DPH1: variants seen among roughly 807,000 people sequenced by gnomAD.
DPH1 encodes the protein 2-(3-amino-3-carboxypropyl)histidine synthase subunit 1.
In DPH1, 59 loss-of-function variants were observed where a neutral mutation model predicts 55.3. The observed-to-expected ratio is 1.07, with a 90% CI of 0.87 to 1.33. The LOEUF is 1.33. DPH1 is among the 40% of genes most tolerant of loss of function. DPH1 has a pLI of 0.00. For missense variants in DPH1, 628 were observed against 584.8 expected, an observed-to-expected ratio of 1.07 and a Z score of -0.76; for synonymous variants, 238 against 235.5, an observed-to-expected ratio of 1.01 and a Z score of -0.10.
Position 2,036,758 on chromosome 17 carries a change from CA to C in DPH1, c.558+73del. ...CACTCTCCAGCTGTTGCGGGATCCC[CA>C]GGTGCTCCAGGCTGTTTCTCAGCCC... On this transcript the variant is annotated intron_variant, in intron 5 of 12. Transcript: ENST00000263083. This position sits in a 1 kb window ranked among gnomAD's most constrained non-coding sequence, Gnocchi z 4.8. 4 of 1,607,112 alleles carry C rather than the reference CA, an allele frequency of 2.5e-6. No homozygotes were observed. The South Asian group carries it at 4.4e-5, about 18-fold the overall frequency.
intron 9 of DPH1, 44 bp downstream of exon 9, chr17:2,040,649 C>G: frequency 6.3e-7 from 1 of 1,598,750 alleles, no homozygotes; most frequent in Non-Finnish European, 8.6e-7. Flanking sequence ...AGCTTAGAAG[C>G]TGGGTCTTGC....
At chr17:2,041,713 G>A (rs558713354) in intron 11 of DPH1, 55 bp from the exon 12 acceptor site, 2 of 1,581,524 alleles carry the variant, frequency 1.3e-6, no homozygotes, top group Non-Finnish European at 1.7e-6. Context: ...GGAGCGGAGC[G>A]GAGGGAAACG....
At chr17:2,041,992 G>A (rs2067538807) in intron 12 of DPH1, 117 bp downstream of exon 12, 1 of 1,489,964 alleles carries the variant, frequency 6.7e-7, no homozygotes, top group Admixed American at 2.3e-5. Context: ...CGTGCATTGT[G>A]CTTCCGCTCG....
chr17:2,036,167 C>T lies in DPH1; in HGVS notation c.400+76C>T. 1 of 1,578,442 alleles carries T rather than the reference C, an allele frequency of 6.3e-7. No individual in the cohort carries two copies. The highest frequency in any genetic ancestry group is 8.6e-7 in the Non-Finnish European group (1 of 1,161,838). The stretch of plus-strand genomic sequence containing the variant: ...GGCTGCACATTCATCTTCCCCATGG[C>T]AGTGCCTTCTTGTCCTGCTTGGAGA... On this transcript the variant is annotated intron_variant, in intron 4 of 12. Transcript: ENST00000263083. The surrounding 1 kb of genome is among the most constrained non-coding windows in gnomAD (Gnocchi z 4.8).
intron 2 of DPH1, 49 bp from the exon 3 acceptor site, chr17:2,033,730 G>GCAGCCCCTTCCTAGC (rs781584798): frequency 1.2e-4 from 201 of 1,613,974 alleles, no homozygotes; most frequent in Non-Finnish European, 1.6e-4. Flanking sequence ...TGTCCCCCTT[G>GCAGCCCCTTCCTAGC]CAGCCCCTTC....
In DPH1 at chr17:2,043,201, G is replaced by A; in HGVS notation, c.*615G>A. Reference sequence around the variant, plus strand: ...GGACCCTCCACTCACTGCTGTGAGTGCGCCTCACCAGAACCAGTTAAGAGA... The same window carrying A: ...GGACCCTCCACTCACTGCTGTGAGTACGCCTCACCAGAACCAGTTAAGAGA... On this transcript the variant is annotated 3_prime_UTR_variant, in exon 13 of 13. Coordinates refer to ENST00000263083, the MANE Select transcript of DPH1 (RefSeq NM_001383.6). 2 of 1,413,362 alleles carry A rather than the reference G, an allele frequency of 1.4e-6. No individual in the cohort carries two copies. The highest frequency in any genetic ancestry group is 9.6e-7 in the Non-Finnish European group (1 of 1,041,886). 87.6% of individuals were successfully genotyped at this position (1,413,362 alleles called of 1,614,324 possible). A position where few individuals can be genotyped will look rare whatever the true frequency, so the allele number is the denominator to read the frequency against.
intron 1 of DPH1, 36 bp downstream of exon 1, chr17:2,030,266 A>G: frequency 6.5e-7 from 1 of 1,542,866 alleles, no homozygotes; most frequent in Non-Finnish European, 8.7e-7. Flanking sequence ...CAGACCTCGC[A>G]TCTCGGGGCG....
chr17:2,031,986 T>C (rs1279437066), intron 1 of DPH1, among the ~76,000 whole-genome samples: 3 of 152,160 alleles, frequency 2.0e-5, no homozygotes, highest in African/African-American at 7.2e-5. Flanking sequence ...CCATCCTTCC[T>C]GGTTTAAGAG....
In DPH1 at chr17:2,040,553, C is replaced by T. The variant is rs771643497; in HGVS notation, c.955C>T (p.Leu319=). The T allele has an allele frequency of 6.2e-7, 1 of 1,614,236 alleles. No homozygotes were observed. The highest frequency in any genetic ancestry group is 1.3e-5 in the African/African-American group (1 of 75,062). The change falls in exon 9 of 13, where the codon CTG becomes TTG. Residue 319 remains leucine (L), a synonymous_variant. Coordinates refer to ENST00000263083, the MANE Select transcript of DPH1 (RefSeq NM_001383.6). ...RALGLSFVRL[L]LSEIFPSKLS... The stretch of plus-strand genomic sequence containing the variant: ...CTTGGGCCTTTCCTTTGTGAGGCTG[C>T]TGCTCTCTGAGATCTTCCCCAGCAA...
intron 1 of DPH1, 131 bp from the exon 2 acceptor site, chr17:2,033,374 G>C (rs1054137952): frequency 2.1e-6 from 3 of 1,413,936 alleles, no homozygotes; most frequent in Middle Eastern, 3.6e-4. Context: ...GATTTTTCTT[G>C]AGATGACTCA....
intron 10 of DPH1, 113 bp from the exon 11 acceptor site, chr17:2,041,368 T>C: frequency 2.7e-6 from 4 of 1,496,506 alleles, no homozygotes; most frequent in Non-Finnish European, 3.6e-6. Context: ...CACAGTTCCC[T>C]TCTGTGGCAG....
At chr17:2,035,471 TGA>T (rs2067405362) in intron 3 of DPH1, among the ~76,000 whole-genome samples, 1 of 12,266 alleles carries the variant, frequency 8.2e-5, no homozygotes, top group African/African-American at 2.4e-4. Context: ...GGGGTCCGGG[TGA>T]GGGGGCCCTG....
chr17:2,040,637 G>A (rs1035355788), intron 9 of DPH1, 32 bp downstream of exon 9: 2 of 1,607,104 alleles, frequency 1.2e-6, no homozygotes, highest in Non-Finnish European at 1.7e-6. Context: ...ACTGGCTAAA[G>A]AAGCTTAGAA....
Position 2,033,523 on chromosome 17 carries a change from G to C in DPH1, c.80G>C (p.Arg27Pro). The change falls in exon 2 of 13, where the codon CGC becomes CCC. Residue 27 changes from arginine (R) to proline (P), a missense_variant. Arg to Pro is a moderately radical substitution (Grantham distance 103). Transcript: ENST00000263083. The part of the protein sequence containing the change: ...GPGRGRAPRG[R>P]VANQIPPEIL... ...ATTCTAGGTCGGGCCCCTCGGGGCC[G>C]CGTGGCCAATCAGATCCCCCCTGAG... is the stretch of plus-strand genomic sequence containing the variant. 6.2e-7 allele frequency: 1 copy of C among 1,614,112 alleles called. No individual in the cohort carries two copies.
At chr17:2,038,649 C>G (rs2067463166) in intron 6 of DPH1, among the ~76,000 whole-genome samples, 1 of 152,206 alleles carries the variant, frequency 6.6e-6, no homozygotes, top group Non-Finnish European at 1.5e-5. Context: ...GCCTGATGAT[C>G]TGAGGTGAGA....
At position 2,043,368 on chromosome 17, in the gene DPH1, T is replaced by TG; in HGVS notation, c.*786dup. 2.3e-6 allele frequency: 1 copy of TG among 437,436 alleles called. No homozygotes were observed. The highest frequency in any genetic ancestry group is 4.1e-6 in the Non-Finnish European group (1 of 246,890). 27.1% of individuals were successfully genotyped at this position (437,436 alleles called of 1,614,324 possible). ...AGAGCCCTGGATTAGGAGGGTGACA[T>TG]GGGGAAGGCAGAGGCTGGCACCATG... is the stretch of plus-strand genomic sequence containing the variant. On this transcript the variant is annotated 3_prime_UTR_variant, in exon 13 of 13. Coordinates refer to ENST00000263083, the MANE Select transcript of DPH1 (RefSeq NM_001383.6).
At chr17:2,035,858 G>A (rs1186616503) in intron 3 of DPH1, 112 bp from the exon 4 acceptor site, 35 of 1,491,294 alleles carry the variant, frequency 2.3e-5, no homozygotes, top group Admixed American at 3.8e-5. Context: ...CCGAGGAACT[G>A]GGAGAGGTAG....
At chr17:2,030,693 A>T in intron 1 of DPH1, among the ~76,000 whole-genome samples, 1 of 152,246 alleles carries the variant, frequency 6.6e-6, no homozygotes, top group South Asian at 2.1e-4. Context: ...GGGAATGTTA[A>T]TGTAAACATA....
chr17:2,037,515 G>A lies in DPH1; in HGVS notation c.680+559G>A, dbSNP rs538652316. On this transcript the variant is annotated intron_variant, in intron 6 of 12. Transcript: ENST00000263083. ...CTGTTTCCACAGGCCTGACACCCCTGTCCCTAGACAGGCCCACATCAGGGC... is the reference window on the plus strand; with the variant it reads ...CTGTTTCCACAGGCCTGACACCCCTATCCCTAGACAGGCCCACATCAGGGC... Among the ~76,000 whole-genome samples the A allele has an allele frequency of 5.3e-5, 8 of 152,180 alleles. No homozygotes were observed. The South Asian group carries it at 1.7e-3, about 32-fold the overall frequency.
Sources: allele counts gnomAD v4.1 joint callset (sites outside exome capture counted in the v4.1 genomes callset), GRCh38; gene constraint gnomAD v4.1.1; non-coding constraint Gnocchi (gnomAD v3.1); transcripts MANE v1.5; gene names NCBI Gene and HGNC (gene_info 2026-07-23, HGNC 2026-07-21).